Variants in NRCAM observed in about 807,000 individuals in gnomAD.
NRCAM encodes the protein neuronal cell adhesion molecule, also known as NgCAM-related cell adhesion molecule.
A neutral mutation model predicts 156.5 loss-of-function variants in NRCAM; 83 were observed. The ratio of observed to expected loss-of-function variants is 0.53; its 90% CI spans 0.44 to 0.64. The LOEUF is 0.64. Among genes scored for constraint, NRCAM ranks in the 30% least tolerant of loss-of-function variants. The pLI is 0.00. For synonymous variants in NRCAM, 538 were observed against 563.9 expected (o/e 0.95, Z 0.65); for missense variants, 1,417 against 1,597.3 (o/e 0.89, Z 1.92).
In NRCAM at chr7:108,239,999, G is replaced by A. The variant is rs1321394617; in HGVS notation, c.66C>T (p.Phe22=). ...LSAGRVPLIL[F]LCQMISALEV... is the part of the protein sequence containing the mutation. ...CCAGTGCACTAATCATCTGGCACAG[G>A]AAGAGAATCAGGGGCACTCTGCCCG... is the stretch of plus-strand genomic sequence containing the variant. Residue 22 remains phenylalanine (F), a synonymous_variant, in exon 4 of 33, where the codon TTC becomes TTT. Coordinates refer to ENST00000379028, the MANE Select transcript of NRCAM (RefSeq NM_001037132.4). The A allele has an allele frequency of 6.2e-7, 1 of 1,613,310 alleles. No homozygotes were observed. The highest frequency in any genetic ancestry group is 8.5e-7 in the Non-Finnish European group (1 of 1,179,436).
At chr7:108,216,353 T>C (rs1018996237) in intron 11 of NRCAM, among the ~76,000 whole-genome samples, 1 of 152,208 alleles carries the variant, frequency 6.6e-6, no homozygotes, top group African/African-American at 2.4e-5. Flanking sequence ...CATTTTTTCC[T>C]TCATTGCAAC....
intron 2 of NRCAM, among the ~76,000 whole-genome samples, chr7:108,347,625 T>C (rs2099369655): frequency 6.6e-6 from 1 of 152,236 alleles, no homozygotes; most frequent in South Asian, 2.1e-4. Context: ...CCTTAACTAA[T>C]AATCCCTAAA....
intron 2 of NRCAM, among the ~76,000 whole-genome samples, chr7:108,394,130 G>T (rs528189061): frequency 6.6e-6 from 1 of 152,324 alleles, no homozygotes; most frequent in South Asian, 2.1e-4. Flanking sequence ...ATGCACATGG[G>T]CCTGGGGCAA....
chr7:108,198,022 C>A lies in NRCAM; in HGVS notation c.1285G>T (p.Val429Phe). 1 of 1,597,584 alleles carries A rather than the reference C, an allele frequency of 6.3e-7. No homozygotes were observed. Among genetic ancestry groups the A allele is most frequent in the Non-Finnish European group, 8.5e-7 (1 of 1,171,050 alleles). Residue 429 changes from valine to phenylalanine, a missense_variant, in exon 14 of 33, where the codon GTC becomes TTC. This residue lies in a region of NRCAM where 1,238 missense variants were observed against 1,336.4 expected (regional missense o/e 0.93). Coordinates refer to ENST00000379028, the MANE Select transcript of NRCAM (RefSeq NM_001037132.4). ...FSNVQERSSAVYQCNASNEYG... is the reference protein window; with the variant it reads ...FSNVQERSSAFYQCNASNEYG... The stretch of plus-strand genomic sequence containing the variant: ...TCATTAGAGGCATTGCACTGATAGA[C>A]TGCACTTGATCTTTCTTGAACATTT...
intron 2 of NRCAM, among the ~76,000 whole-genome samples, chr7:108,334,854 A>G (rs1315187616): frequency 7.2e-5 from 11 of 152,230 alleles, no homozygotes; most frequent in Non-Finnish European, 1.2e-4. Flanking sequence ...ATGCCCTGAT[A>G]TATCTAATAT....
intron 2 of NRCAM, among the ~76,000 whole-genome samples, chr7:108,325,113 G>C (rs1343213922): frequency 1.3e-5 from 2 of 150,786 alleles, no homozygotes; most frequent in African/African-American, 4.9e-5. Context: ...GGTTCTTGTG[G>C]GAAAAGAAGG....
rs1321163212 is a variant in NRCAM at position 108,232,395 on chromosome 7, C to G, written c.358G>C (p.Val120Leu). ...SEGKAETYEG[V>L]YQCTARNERG... ...TCGTTCCTTGCTGTACACTGATAGA[C>G]TCCTTCATAGGTCTCAGCTTTCCCT... Residue 120 changes from valine (V) to leucine (L), a missense_variant, in exon 7 of 33, where the codon GTC (valine) becomes CTC (leucine). This residue lies in a region of NRCAM where 1,238 missense variants were observed against 1,336.4 expected (regional missense o/e 0.93). Coordinates refer to ENST00000379028, the MANE Select transcript of NRCAM (RefSeq NM_001037132.4). 6.2e-7 allele frequency: 1 copy of G among 1,613,646 alleles called. No homozygotes were observed. The highest frequency in any genetic ancestry group is 1.7e-5 in the Admixed American group (1 of 59,974).
intron 2 of NRCAM, among the ~76,000 whole-genome samples, chr7:108,318,010 T>G (rs558911286): frequency 6.6e-6 from 1 of 150,520 alleles, no homozygotes; most frequent in South Asian, 2.1e-4. Flanking sequence ...ATTCTGCAGA[T>G]TTAGGAGGGA....
At chr7:108,451,473 T>C (rs1040858788) in intron 1 of NRCAM, among the ~76,000 whole-genome samples, 22 of 152,152 alleles carry the variant, frequency 1.4e-4, no homozygotes, top group Admixed American at 2.6e-4. Flanking sequence ...CCCCAGAGAA[T>C]TGAAAGCAGT....
chr7:108,234,550 T>A (rs1022396821), intron 6 of NRCAM, 33 bp downstream of exon 6: 2 of 1,238,432 alleles, frequency 1.6e-6, no homozygotes, highest in African/African-American at 3.0e-5. Flanking sequence ...TGATTTATTC[T>A]CAGTACTATA....
intron 1 of NRCAM, 31 bp from the exon 2 acceptor site, chr7:108,399,624 T>A (rs2099785998): frequency 1.3e-5 from 2 of 152,158 alleles, no homozygotes; most frequent in Admixed American, 6.5e-5. Flanking sequence ...CACAGGACAA[T>A]GTAAATTGTT....
intron 2 of NRCAM, among the ~76,000 whole-genome samples, chr7:108,396,872 C>T (rs1337060140): frequency 1.3e-5 from 2 of 151,972 alleles, no homozygotes; most frequent in South Asian, 2.1e-4. Context: ...CTGGTAAAAC[C>T]AGTCTAGAGA....
intron 1 of NRCAM, among the ~76,000 whole-genome samples, chr7:108,411,304 G>A (rs567029275): frequency 1.1e-4 from 17 of 151,960 alleles, no homozygotes; most frequent in Admixed American, 5.2e-4. Flanking sequence ...TACCCTTAAG[G>A]TTTTTTTCCT....
At chr7:108,218,918 C>G (rs1004495953) in intron 11 of NRCAM, among the ~76,000 whole-genome samples, 1 of 152,066 alleles carries the variant, frequency 6.6e-6, no homozygotes, top group Admixed American at 6.5e-5. Context: ...ATGAAACAAA[C>G]AGCTGGTTCT....
At chr7:108,278,174 C>A (rs977621040) in intron 3 of NRCAM, among the ~76,000 whole-genome samples, 4 of 152,196 alleles carry the variant, frequency 2.6e-5, no homozygotes, top group African/African-American at 9.6e-5. Context: ...AGGTGTCTCC[C>A]AGACAGGCTA....
chr7:108,401,579 A>G (rs1414439561), intron 1 of NRCAM, among the ~76,000 whole-genome samples: 3 of 152,126 alleles, frequency 2.0e-5, no homozygotes, highest in Admixed American at 1.3e-4. Context: ...CTTAGTAGCT[A>G]AACTACTGAG....
chr7:108,288,209 T>G (rs2098169594), intron 3 of NRCAM, among the ~76,000 whole-genome samples: 1 of 151,906 alleles, frequency 6.6e-6, no homozygotes, highest in Admixed American at 6.6e-5. Flanking sequence ...ATATGCAAAG[T>G]GGAATAACAG....
rs568889174 is a variant in NRCAM at position 108,150,133 on chromosome 7, T to C, written c.3692A>G (p.His1231Arg). 7 of 1,605,198 alleles carry C rather than the reference T, an allele frequency of 4.4e-6. No homozygotes were observed. The highest frequency in any genetic ancestry group is 1.3e-5 in the African/African-American group (1 of 74,356). Reference protein sequence around the residue: ...TFGEYSDAEDHKPLKKGSRTP... With the variant: ...TFGEYSDAEDRKPLKKGSRTP... ...TCGACTTCCTTTTTTCAAAGGCTTG[T>C]GGTCTTCTGCATCACTGGAAGAAAG... Residue 1231 changes from histidine (H) to arginine (R), a missense_variant, in exon 33 of 33, where the codon CAC becomes CGC. Physicochemically the swap from His to Arg is conservative, Grantham distance 29. Transcript: ENST00000379028.
intron 3 of NRCAM, among the ~76,000 whole-genome samples, chr7:108,255,005 C>A (rs1279346210): frequency 1.3e-5 from 2 of 152,114 alleles, no homozygotes; most frequent in Non-Finnish European, 2.9e-5. Context: ...TAAACAGATC[C>A]AATGCCCATT....
Sources: gnomAD v4.1 joint callset for allele counts (sites outside exome capture counted in the v4.1 genomes callset) on GRCh38, gnomAD v4.1.1 for gene constraint, gnomAD v4.1.1 regional missense constraint, MANE v1.5 for transcripts, NCBI Gene and HGNC (gene_info 2026-07-23, HGNC 2026-07-21) for gene names.